Variants in NXPE1 observed in about 807,000 individuals in gnomAD.
NXPE1 encodes neurexophilin and PC-esterase domain family member 1, also known as NXPE family member 1.
Under a neutral mutation model 33.3 loss-of-function variants are expected in NXPE1, and 31 were observed. The ratio of observed to expected loss-of-function variants is 0.93; its 90% confidence interval spans 0.70 to 1.26. The LOEUF (loss-of-function observed/expected upper bound fraction) is 1.26, where lower values mean the gene tolerates loss of function less well. NXPE1 is among the 50% of genes most tolerant of loss of function. The pLI is 0.00. For missense variants in NXPE1, 661 were observed against 655.6 expected, an observed-to-expected ratio of 1.01 and a Z score of -0.09; for synonymous variants, 229 against 231.4, an observed-to-expected ratio of 0.99 and a Z score of 0.09.
At chr11:114,528,796 C>A in intron 6 of NXPE1, 2 of 676,062 alleles carry the variant, frequency 3.0e-6, no homozygotes, top group South Asian at 1.6e-5. Flanking sequence ...TAAGTGGTAC[C>A]TGATTTCCTG....
exon 6 of NXPE1, chr11:114,530,586 G>A (rs1239322948): frequency 1.2e-6 from 2 of 1,614,102 alleles, no homozygotes; most frequent in Admixed American, 1.7e-5. Context: ...GGACATCCTG[G>A]CCCTCAGGAA....
At chr11:114,543,948 T>A (rs1039086015) in intron 5 of NXPE1, among the ~76,000 whole-genome samples, 8 of 152,168 alleles carry the variant, frequency 5.3e-5, no homozygotes, top group Admixed American at 2.6e-4. Context: ...AATGAACAAT[T>A]GGAATTTGAA....
intron 5 of NXPE1, among the ~76,000 whole-genome samples, chr11:114,542,934 T>C (rs371295450): frequency 4.6e-5 from 7 of 152,218 alleles, no homozygotes; most frequent in African/African-American, 1.4e-4. Flanking sequence ...CATCAATAAA[T>C]ATAAATTAGC....
chr11:114,523,381 T>C (rs1675354996), intron 7 of NXPE1, among the ~76,000 whole-genome samples: 1 of 152,172 alleles, frequency 6.6e-6, no homozygotes, highest in Non-Finnish European at 1.5e-5. Context: ...CTATCCTTTT[T>C]TCCTGACTCT....
chr11:114,559,311 A>G (rs1210403452), intron 1 of NXPE1, among the ~76,000 whole-genome samples: 1 of 152,104 alleles, frequency 6.6e-6, no homozygotes. Flanking sequence ...TTCCAGCATA[A>G]CTCTAGACCA....
At chr11:114,522,810 A>T in intron 8 of NXPE1, 69 bp downstream of exon 8, 1 of 1,121,180 alleles carries the variant, frequency 8.9e-7, no homozygotes, top group Middle Eastern at 2.1e-4. Flanking sequence ...AAACGAGAGA[A>T]TAGAGACCTC....
At chr11:114,538,450 G>T (rs1947934439) in intron 5 of NXPE1, among the ~76,000 whole-genome samples, 2 of 152,204 alleles carry the variant, frequency 1.3e-5, no homozygotes, top group South Asian at 4.2e-4. Flanking sequence ...AAACTAAAGA[G>T]CTTCTGCACA....
Position 114,525,746 on chromosome 11 carries a change from G to A in NXPE1, c.895+2094C>T, listed in dbSNP as rs192995249. ...TCTGCTTCTGTAAGCTTGCTTGCCC[G>A]CCCTGTAGGTTTTGCACCATTTAGT... On this transcript the variant is annotated intron_variant, in intron 7 of 8. Transcript: ENST00000534921. Among the ~76,000 whole-genome samples the A allele has an allele frequency of 2.6e-3, 396 of 152,200 alleles. 4 individuals are homozygous for A. Among genetic ancestry groups the A allele is most frequent in the Middle Eastern group, 0.01 (3 of 294 alleles).
At chr11:114,559,326 G>T (rs116726908) in intron 1 of NXPE1, among the ~76,000 whole-genome samples, 40 of 152,192 alleles carry the variant, frequency 2.6e-4, no homozygotes, top group African/African-American at 8.9e-4. Context: ...AGACCACAAC[G>T]ATCTCTCCCG....
chr11:114,557,206 T>C (rs1398501613), intron 1 of NXPE1, among the ~76,000 whole-genome samples: 1 of 152,170 alleles, frequency 6.6e-6, no homozygotes, highest in Non-Finnish European at 1.5e-5. Flanking sequence ...CTTTTTGACC[T>C]CTTGTGTATT....
In NXPE1 at chr11:114,522,272, A is replaced by G. The variant is rs772880678; in HGVS notation, c.1340T>C (p.Ile447Thr). 9.3e-6 allele frequency: 15 copies of G among 1,613,950 alleles called. No individual in the cohort carries two copies. In the South Asian group the frequency reaches 9.9e-5, roughly 11 times the overall value. ...GATGGCCCTGCGAATAAAAATGTCA[A>G]TGGGAAATGGTCTAAAGTGCTGGCC... is the stretch of plus-strand genomic sequence containing the variant. The change falls in exon 9 of 9, where the codon ATT (isoleucine) becomes ACT (threonine). Residue 447 changes from isoleucine (I) to threonine (T), a missense_variant. Transcript: ENST00000534921.
intron 5 of NXPE1, among the ~76,000 whole-genome samples, chr11:114,532,924 T>A (rs1947638164): frequency 6.6e-6 from 1 of 152,182 alleles, no homozygotes; most frequent in Admixed American, 6.5e-5. Flanking sequence ...ACTTATCTGA[T>A]TGGATTGCAG....
At chr11:114,557,241 A>G (rs2135142362) in intron 1 of NXPE1, among the ~76,000 whole-genome samples, 1 of 152,082 alleles carries the variant, frequency 6.6e-6, no homozygotes, top group East Asian at 1.9e-4. Context: ...AAATTATTCT[A>G]TTTCCATTCT....
chr11:114,525,052 C>T (rs568670133), intron 7 of NXPE1, among the ~76,000 whole-genome samples: 1 of 152,124 alleles, frequency 6.6e-6, no homozygotes, highest in East Asian at 1.9e-4. Context: ...TTGTCCTGTA[C>T]ATCCCATCTG....
intron 5 of NXPE1, among the ~76,000 whole-genome samples, chr11:114,536,464 A>G (rs1947829307): frequency 6.6e-6 from 1 of 152,284 alleles, no homozygotes; most frequent in South Asian, 2.1e-4. Flanking sequence ...GAGACAAAAA[A>G]CCCTTCAAAA....
chr11:114,539,540 A>G (rs912229812), intron 5 of NXPE1, among the ~76,000 whole-genome samples: 15 of 152,202 alleles, frequency 9.9e-5, no homozygotes, highest in Non-Finnish European at 1.8e-4. Flanking sequence ...AAGATGTAGC[A>G]CTTTGAAATG....
intron 1 of NXPE1, among the ~76,000 whole-genome samples, chr11:114,557,634 C>CATATATAT (rs4019608): frequency 1.7e-3 from 220 of 128,390 alleles, no homozygotes; most frequent in Middle Eastern, 4.5e-3. Flanking sequence ...ATATATAATA[C>CATATATAT]ATATATATAT....
At chr11:114,530,553 G>C (rs1328485628) in exon 6 of NXPE1, 1 of 1,613,896 alleles carries the variant, frequency 6.2e-7, no homozygotes, top group Non-Finnish European at 8.5e-7. Flanking sequence ...CTTTCCTGAA[G>C]CACCTGCCGT....
chr11:114,545,322 T>A (rs1948238740), intron 5 of NXPE1, among the ~76,000 whole-genome samples: 1 of 152,180 alleles, frequency 6.6e-6, no homozygotes, highest in Non-Finnish European at 1.5e-5. Context: ...CAAGAGCTCT[T>A]CAGTAGGTGA....
Sources: gnomAD v4.1 joint callset for allele counts (sites outside exome capture counted in the v4.1 genomes callset) on GRCh38, gnomAD v4.1.1 for gene constraint, MANE v1.5 for transcripts, NCBI Gene and HGNC (gene_info 2026-07-23, HGNC 2026-07-21) for gene names.